Variants in GKN1 observed in about 807,000 individuals in gnomAD.
GKN1 encodes the protein gastrokine-1.
Under a neutral mutation model 19.7 loss-of-function variants are expected in GKN1, and 17 were observed. That is an observed-to-expected ratio of 0.86 (90% CI 0.59 to 1.29). The LOEUF is 1.29. GKN1 is among the 50% of genes most tolerant of loss of function. GKN1 has a pLI of 0.00. For synonymous variants in GKN1, 96 were observed against 78.3 expected (o/e 1.23, Z -1.20); for missense variants, 218 against 224.5 (o/e 0.97, Z 0.19).
chr2:68,978,456 C>T (rs532024282), intron 3 of GKN1, among the ~76,000 whole-genome samples: 1 of 152,102 alleles, frequency 6.6e-6, no homozygotes, highest in African/African-American at 2.4e-5. Flanking sequence ...ATTTAACAAA[C>T]GTTATACTTT....
Position 68,979,105 on chromosome 2 carries a change from G to T in GKN1, c.315+124G>T, listed in dbSNP as rs13427279. The T allele has an allele frequency of 9.1e-6, 5 of 550,918 alleles. No individual in the cohort carries two copies. The South Asian group carries it at 1.1e-4, about 12-fold the overall frequency. The allele number at this position is 550,918 out of a possible 1,614,324, so 34.1% of individuals were successfully genotyped here. ...TGTTGTAGTGTGCAGCACAAAGGGG[G>T]AAGTTATTGGTGATTGCCTGAGGGA... is the stretch of plus-strand genomic sequence containing the variant. On this transcript the variant is annotated intron_variant, in intron 4 of 5. Transcript: ENST00000377938.
intron 3 of GKN1, 138 bp downstream of exon 3, chr2:68,977,912 C>T (rs1008734950): frequency 1.4e-6 from 1 of 694,954 alleles, no homozygotes; most frequent in African/African-American, 1.8e-5. Flanking sequence ...GTAAAGGTGA[C>T]CATTTTGCTC....
At position 68,977,702 on chromosome 2, in the gene GKN1, T is replaced by C; in HGVS notation, c.132T>C (p.Asn44=). The C allele has an allele frequency of 1.9e-6, 3 of 1,608,388 alleles. No individual in the cohort carries two copies. Among genetic ancestry groups the C allele is most frequent in the East Asian group, 2.2e-5 (1 of 44,846 alleles). ...GGCAGCAGTCAGTGAGTGTCAACAA[T>C]GAACACAATGTGGCCAATGTTGACA... ...GSGQQSVSVN[N]EHNVANVDNN... The change falls in exon 3 of 6, where the codon AAT becomes AAC. Residue 44 remains asparagine (N), a synonymous_variant. Coordinates refer to ENST00000377938, the MANE Select transcript of GKN1 (RefSeq NM_019617.4).
chr2:68,978,235 A>G (rs1264281546), intron 3 of GKN1: 5 of 143,716 alleles, frequency 3.5e-5, no homozygotes, highest in African/African-American at 1.4e-4. Flanking sequence ...GAAAGAAGAA[A>G]GAAAGAAGGA....
At chr2:68,974,862 G>C (rs766451139) in intron 1 of GKN1, among the ~76,000 whole-genome samples, 173 bp downstream of exon 1, 8 of 152,078 alleles carry the variant, frequency 5.3e-5, no homozygotes, top group African/African-American at 1.7e-4. Flanking sequence ...GGTCCTGTTG[G>C]GGGGTGGAGA....
chr2:68,975,927 T>C (rs1670257085), intron 1 of GKN1, among the ~76,000 whole-genome samples: 1 of 152,192 alleles, frequency 6.6e-6, no homozygotes, highest in Non-Finnish European at 1.5e-5. Context: ...AAAACTATTT[T>C]GTCCCAGGCA....
intron 3 of GKN1, among the ~76,000 whole-genome samples, chr2:68,978,505 C>G (rs1311943185): frequency 6.6e-6 from 1 of 151,928 alleles, no homozygotes; most frequent in African/African-American, 2.4e-5. Context: ...TTTATCTGGT[C>G]AATTGGAAAA....
intron 1 of GKN1, among the ~76,000 whole-genome samples, chr2:68,976,188 A>G (rs1670259762): frequency 6.6e-6 from 1 of 152,174 alleles, no homozygotes; most frequent in Non-Finnish European, 1.5e-5. Flanking sequence ...TTCTATTAGG[A>G]AGAAAACATC....
intron 3 of GKN1, among the ~76,000 whole-genome samples, chr2:68,978,304 A>AAGAAAGAAAGAAAGAAAGAAAGAAAG: frequency 7.5e-6 from 1 of 134,122 alleles, no homozygotes; most frequent in African/African-American, 3.3e-5. Flanking sequence ...AAGAGAGAGA[A>AAGAAAGAAAGAAAGAAAGAAAGAAAG]AGAAAGAAAA....
intron 1 of GKN1, among the ~76,000 whole-genome samples, chr2:68,977,216 CT>C (rs1484350180): frequency 6.6e-6 from 1 of 152,104 alleles, no homozygotes; most frequent in African/African-American, 2.4e-5. Flanking sequence ...CTCAACTTCC[CT>C]TCTTCATCAA....
rs540638476 is a variant in GKN1 at position 68,980,787 on chromosome 2, G to C, written c.522G>C (p.Val174=). ...ACACGACCAGTGTACTATGGATTGT[G>C]GACATTTCCTTCTGTGGAGACACGG... is the stretch of plus-strand genomic sequence containing the variant. ...TCYTTSVLWI[V]DISFCGDTVE... The change falls in exon 6 of 6, where the codon GTG becomes GTC. Residue 174 remains valine (V), a synonymous_variant. Transcript: ENST00000377938. 405 of 1,593,320 alleles carry C rather than the reference G, an allele frequency of 2.5e-4. 7 individuals are homozygous for C. In the South Asian group the frequency reaches 4.0e-3, roughly 16 times the overall value.
chr2:68,975,564 C>T (rs1166776453), intron 1 of GKN1, among the ~76,000 whole-genome samples: 3 of 152,076 alleles, frequency 2.0e-5, no homozygotes, highest in Non-Finnish European at 4.4e-5. Flanking sequence ...CACTGGAAAA[C>T]GTTACGGCAG....
At chr2:68,980,167 G>C (rs1670339131) in intron 5 of GKN1, 107 bp downstream of exon 5, 1 of 946,142 alleles carries the variant, frequency 1.1e-6, no homozygotes, top group Admixed American at 1.8e-5. Context: ...TGGTCATCAA[G>C]GCCAACATTT....
intron 1 of GKN1, among the ~76,000 whole-genome samples, chr2:68,975,042 C>T (rs765729649): frequency 9.9e-5 from 15 of 152,098 alleles, no homozygotes; most frequent in Non-Finnish European, 2.1e-4. Context: ...CATTTATAAG[C>T]ATCTCTATAG....
chr2:68,977,449 A>G, intron 1 of GKN1, 46 bp from the exon 2 acceptor site: 2 of 1,265,796 alleles, frequency 1.6e-6, no homozygotes, highest in Non-Finnish European at 2.3e-6. Context: ...GAAAGAAGAC[A>G]TCATTTTGCC....
Position 68,979,916 on chromosome 2 carries a change from C to T in GKN1, c.319C>T (p.Gln107Ter). The T allele has an allele frequency of 2.5e-6, 4 of 1,613,202 alleles. No homozygotes were observed. The highest frequency in any genetic ancestry group is 3.4e-6 in the Non-Finnish European group (4 of 1,179,144). Reference sequence around the variant, plus strand: ...TACCTCTCTTTTCCACACTCAGCTTCAGGGTAAGGGACCAGGAGGACCACC... The same window carrying T: ...TACCTCTCTTTTCCACACTCAGCTTTAGGGTAAGGGACCAGGAGGACCACC... ...LDALVKEKKL[Q>*]GKGPGGPPPK... Residue 107 changes from glutamine to a stop codon, truncating the protein, a stop_gained, in exon 5 of 6, where the codon CAG becomes TAG. Coordinates refer to ENST00000377938, the MANE Select transcript of GKN1 (RefSeq NM_019617.4). LOFTEE classifies it high-confidence loss of function.
chr2:68,974,703 T>C lies in GKN1; in HGVS notation c.12+14T>C. 2 of 1,529,802 alleles carry C rather than the reference T, an allele frequency of 1.3e-6. No individual in the cohort carries two copies. The highest frequency in any genetic ancestry group is 9.1e-7 in the Non-Finnish European group (1 of 1,103,082). 94.8% of individuals were successfully genotyped at this position (1,529,802 alleles called of 1,614,324 possible). A position where few individuals can be genotyped will look rare whatever the true frequency, so the allele number is the denominator to read the frequency against. Reference sequence around the variant, plus strand: ...ATGAAGTTCACAGTGAGTAGATTTTTCCTTTTGAATTTACCACCAAATGAT... The same window carrying C: ...ATGAAGTTCACAGTGAGTAGATTTTCCCTTTTGAATTTACCACCAAATGAT... On this transcript the variant is annotated intron_variant, in intron 1 of 5. Transcript: ENST00000377938.
At chr2:68,979,034 C>T in intron 4 of GKN1, 53 bp downstream of exon 4, 1 of 824,844 alleles carries the variant, frequency 1.2e-6, no homozygotes, top group Non-Finnish European at 2.1e-6. Context: ...TTACATCCTT[C>T]AGTAAATAAC....
chr2:68,975,128 C>T (rs541159999), intron 1 of GKN1, among the ~76,000 whole-genome samples: 2 of 152,180 alleles, frequency 1.3e-5, no homozygotes, highest in South Asian at 2.1e-4. Context: ...AATGACTTTC[C>T]GCATCACCTG....
Sources: gnomAD v4.1 joint callset for allele counts (sites outside exome capture counted in the v4.1 genomes callset) on GRCh38, gnomAD v4.1.1 for gene constraint, MANE v1.5 for transcripts, NCBI Gene and HGNC (gene_info 2026-07-23, HGNC 2026-07-21) for gene names.